CCT6A: variants seen among roughly 807,000 people sequenced by gnomAD.
CCT6A encodes the protein chaperonin containing TCP1 subunit 6A.
In CCT6A, 6 loss-of-function variants were observed where a neutral mutation model predicts 58.6. The ratio of observed to expected loss-of-function variants is 0.10; its 90% CI spans 0.06 to 0.20. The LOEUF is 0.20. Ranked by LOEUF, CCT6A falls within the 10% of genes least tolerant of loss-of-function variation. The probability of loss-of-function intolerance (pLI) is 1.00; values close to 1 mark genes in which losing one functional copy is unlikely to be tolerated. For synonymous variants in CCT6A, 245 were observed against 227.8 expected, an observed-to-expected ratio of 1.08 and a Z score of -0.68; for missense variants, 516 against 648.8, an observed-to-expected ratio of 0.80 and a Z score of 2.22.
chr7:56,056,851 C>G (rs1222569980), intron 5 of CCT6A, among the ~76,000 whole-genome samples: 2 of 148,616 alleles, frequency 1.3e-5, no homozygotes, highest in African/African-American at 5.0e-5. Flanking sequence ...CTGGAGTGTA[C>G]AGTGGCATGA....
Position 56,058,473 on chromosome 7 carries a change from G to T in CCT6A, c.837G>T (p.Arg279Ser). The T allele has an allele frequency of 6.3e-7, 1 of 1,599,112 alleles. No individual in the cohort carries two copies. The highest frequency in any genetic ancestry group is 8.5e-7 in the Non-Finnish European group (1 of 1,175,934). Reference sequence around the variant, plus strand: ...TTAAAAAAATAATAGAACTGAAAAGGAAAGTCTGTGGCGATTCAGATAAAG... The same window carrying T: ...TTAAAAAAATAATAGAACTGAAAAGTAAAGTCTGTGGCGATTCAGATAAAG... ...DRVKKIIELK[R>S]KVCGDSDKGF... The change falls in exon 7 of 14, where the codon AGG becomes AGT. Residue 279 changes from arginine (R) to serine (S), a missense_variant. Physicochemically the swap from Arg to Ser is moderately radical, Grantham distance 110. Coordinates refer to ENST00000275603, the MANE Select transcript of CCT6A (RefSeq NM_001762.4).
chr7:56,062,523 CG>C, intron 12 of CCT6A, 159 bp from the exon 13 acceptor site: 1 of 667,204 alleles, frequency 1.5e-6, no homozygotes, highest in East Asian at 2.7e-5. Context: ...ATATTGTGGA[CG>C]GGGGTCATGG....
In CCT6A at chr7:56,062,728, G is replaced by A; in HGVS notation, c.1496G>A (p.Cys499Tyr). 1 of 1,612,256 alleles carries A rather than the reference G, an allele frequency of 6.2e-7. No individual in the cohort carries two copies. The highest frequency in any genetic ancestry group is 8.5e-7 in the Non-Finnish European group (1 of 1,179,480). ...AAEVGVWDNY[C>Y]VKKQLLHSCT... ...GAAGTAGGCGTATGGGATAACTATTGTGTAAAGAAACAGCTTCTTCACTCC... is the reference window on the plus strand; with the variant it reads ...GAAGTAGGCGTATGGGATAACTATTATGTAAAGAAACAGCTTCTTCACTCC... Residue 499 changes from cysteine (C) to tyrosine (Y), a missense_variant, in exon 13 of 14, where the codon TGT becomes TAT. Cys to Tyr is a radical substitution (Grantham distance 194). This residue lies in a region of CCT6A where 315 missense variants were observed against 389.4 expected (regional missense o/e 0.81). Coordinates refer to ENST00000275603, the MANE Select transcript of CCT6A (RefSeq NM_001762.4).
At chr7:56,054,980 AAGGAT>A (rs1176587946) in intron 3 of CCT6A, among the ~76,000 whole-genome samples, 2 of 152,176 alleles carry the variant, frequency 1.3e-5, no homozygotes, top group Non-Finnish European at 1.5e-5. Flanking sequence ...TACCTATAGA[AAGGAT>A]AGAATAGTCC....
Position 56,063,201 on chromosome 7 carries a change from A to T in CCT6A, c.*116A>T. 1 of 753,064 alleles carries T rather than the reference A, an allele frequency of 1.3e-6. No individual in the cohort carries two copies. The highest frequency in any genetic ancestry group is 2.3e-6 in the Non-Finnish European group (1 of 429,018). The allele number at this position is 753,064 out of a possible 1,614,324, so 46.6% of individuals were successfully genotyped here. A position where few individuals can be genotyped will look rare whatever the true frequency, so the allele number is the denominator to read the frequency against. On this transcript the variant is annotated 3_prime_UTR_variant, in exon 14 of 14. Transcript: ENST00000275603. ...TTTGAAAGAAATTTTCCCATATGAA[A>T]AAAGGAGAGAACACTGGCATCTGTT...
intron 5 of CCT6A, among the ~76,000 whole-genome samples, chr7:56,057,331 A>G (rs1200605425): frequency 1.3e-5 from 2 of 151,404 alleles, no homozygotes; most frequent in Non-Finnish European, 2.9e-5. Flanking sequence ...TCAAAGAGTT[A>G]GTTAGAAAAC....
chr7:56,053,913 C>T (rs1438091338), intron 2 of CCT6A, among the ~76,000 whole-genome samples: 1 of 152,200 alleles, frequency 6.6e-6, no homozygotes, highest in Non-Finnish European at 1.5e-5. Context: ...CCTCAGAAGT[C>T]TCGTCCCATT....
intron 4 of CCT6A, among the ~76,000 whole-genome samples, chr7:56,056,070 A>G (rs1388478045): frequency 3.9e-5 from 6 of 151,916 alleles, no homozygotes; most frequent in Admixed American, 3.9e-4. Flanking sequence ...AGTATTTTTA[A>G]TAAAACGAGG....
At position 56,051,868 on chromosome 7, in the gene CCT6A, T is replaced by A. The variant is rs1452184307; in HGVS notation, c.20T>A (p.Leu7Gln). 6.4e-7 allele frequency: 1 copy of A among 1,561,192 alleles called. No homozygotes were observed. The highest frequency in any genetic ancestry group is 8.7e-7 in the Non-Finnish European group (1 of 1,153,426). ...GCAGCTATGGCGGCGGTGAAGACCC[T>A]GAACCCCAAGGCCGAGGTGGCCCGA... Reference protein sequence around the residue: MAAVKTLNPKAEVARAQ... With the variant: MAAVKTQNPKAEVARAQ... Residue 7 changes from leucine to glutamine, a missense_variant, in exon 1 of 14, where the codon CTG becomes CAG. Physicochemically the swap from Leu to Gln is moderately radical, Grantham distance 113. Coordinates refer to ENST00000275603, the MANE Select transcript of CCT6A (RefSeq NM_001762.4).
At chr7:56,055,470 C>G in intron 3 of CCT6A, 154 bp from the exon 4 acceptor site, 1 of 716,302 alleles carries the variant, frequency 1.4e-6, no homozygotes, top group Non-Finnish European at 2.5e-6. Flanking sequence ...GAATATTTGT[C>G]CTTTTAAATG....
intron 2 of CCT6A, 143 bp from the exon 3 acceptor site, chr7:56,054,226 G>C (rs1794256481): frequency 1.6e-6 from 1 of 639,610 alleles, no homozygotes; most frequent in Non-Finnish European, 2.8e-6. Context: ...GTGCATGATA[G>C]TTAATCGAAG....
At chr7:56,062,447 CAG>C (rs1303137286) in intron 12 of CCT6A, among the ~76,000 whole-genome samples, 1 of 152,156 alleles carries the variant, frequency 6.6e-6, no homozygotes, top group African/African-American at 2.4e-5. Flanking sequence ...TATGAGTAAA[CAG>C]AAATGTATCC....
intron 3 of CCT6A, among the ~76,000 whole-genome samples, chr7:56,055,153 A>G (rs1305972681): frequency 6.6e-6 from 1 of 152,190 alleles, no homozygotes; most frequent in Non-Finnish European, 1.5e-5. Context: ...GCATGCCTGT[A>G]ATCCCAGCTA....
Position 56,051,787 on chromosome 7 carries a change from C to G in CCT6A, c.-62C>G, listed in dbSNP as rs180755860. 2.9e-5 allele frequency: 44 copies of G among 1,531,610 alleles called. No individual in the cohort carries two copies. Among genetic ancestry groups the G allele is most frequent in the Non-Finnish European group, 2.5e-5 (28 of 1,138,398 alleles). 94.9% of individuals were successfully genotyped at this position (1,531,610 alleles called of 1,614,324 possible). A position where few individuals can be genotyped will look rare whatever the true frequency, so the allele number is the denominator to read the frequency against. Reference sequence around the variant, plus strand: ...TCCAGAAGACCCGGATAGTTCCTCCCGGCCACGCCGCGCCGGCTCTGGGCA... The same window carrying G: ...TCCAGAAGACCCGGATAGTTCCTCCGGGCCACGCCGCGCCGGCTCTGGGCA... On this transcript the variant is annotated 5_prime_UTR_variant, in exon 1 of 14. Transcript: ENST00000275603.
chr7:56,062,634 T>A (rs373567771), intron 12 of CCT6A, 49 bp from the exon 13 acceptor site: 2 of 1,417,828 alleles, frequency 1.4e-6, no homozygotes, highest in South Asian at 1.1e-5. Flanking sequence ...CACACAATAT[T>A]GTTGGTTCTT....
chr7:56,060,353 C>G lies in CCT6A; in HGVS notation c.1150C>G (p.Leu384Val), dbSNP rs201280999. The part of the protein sequence containing the change: ...LLIKGPNKHT[L>V]TQIKDAVRDG... The stretch of plus-strand genomic sequence containing the variant: ...GATCAAAGGACCAAATAAGCACACA[C>G]TCACTCAGATCAAAGATGCAGTGAG... The change falls in exon 10 of 14, where the codon CTC (leucine) becomes GTC (valine). Residue 384 changes from leucine to valine, a missense_variant. Coordinates refer to ENST00000275603, the MANE Select transcript of CCT6A (RefSeq NM_001762.4). 1.9e-4 allele frequency: 304 copies of G among 1,613,856 alleles called. No homozygotes were observed. Among genetic ancestry groups the G allele is most frequent in the Non-Finnish European group, 2.5e-4 (296 of 1,179,846 alleles).
At chr7:56,061,668 CTTTTTTTTTTT>C (rs71015174) in intron 11 of CCT6A, 68 bp from the exon 12 acceptor site, 767 of 312,098 alleles carry the variant, frequency 2.5e-3, no homozygotes, top group Non-Finnish European at 3.1e-3. Context: ...TTTCTTTTTT[CTTTTTTTTTTT>C]TTTTTTTTTT....
In CCT6A at chr7:56,060,788, CT is replaced by C; in HGVS notation, c.1214-15del. 2 of 1,591,962 alleles carry C rather than the reference CT, an allele frequency of 1.3e-6. No individual in the cohort carries two copies. Among genetic ancestry groups the C allele is most frequent in the Non-Finnish European group, 1.7e-6 (2 of 1,173,830 alleles). ...TTCTGCAGTTTTCTTAGCATTTTTCCTTTTCCCCCATCCAACAGGCTGTGTG... is the reference window on the plus strand; with the variant it reads ...TTCTGCAGTTTTCTTAGCATTTTTCCTTTCCCCCATCCAACAGGCTGTGTG... On this transcript the variant is annotated intron_variant, in intron 10 of 13. Coordinates refer to ENST00000275603, the MANE Select transcript of CCT6A (RefSeq NM_001762.4).
intron 2 of CCT6A, among the ~76,000 whole-genome samples, chr7:56,052,784 TTTTC>T: frequency 1.3e-5 from 1 of 77,776 alleles, no homozygotes; most frequent in Middle Eastern, 5.7e-3. Flanking sequence ...ATGATTTTTC[TTTTC>T]TTTTCTTTTT....
Sources: allele counts gnomAD v4.1 joint callset (sites outside exome capture counted in the v4.1 genomes callset), GRCh38; gene constraint gnomAD v4.1.1; regional missense constraint gnomAD v4.1.1; transcripts MANE v1.5; gene names NCBI Gene and HGNC (gene_info 2026-07-23, HGNC 2026-07-21).